The following BUB1B variants were observed in gnomAD, a reference collection of about 807,000 sequenced individuals.
The protein encoded by BUB1B is BUB1 mitotic checkpoint serine/threonine kinase B.
BUB1B carries 86 observed loss-of-function variants against 137.7 expected under a neutral mutation model. The ratio of observed to expected loss-of-function variants is 0.62; its 90% CI spans 0.52 to 0.75. The LOEUF (loss-of-function observed/expected upper bound fraction) is 0.75, where lower values mean the gene tolerates loss of function less well. Ranked by LOEUF, BUB1B falls within the 30% of genes least tolerant of loss-of-function variation. BUB1B has a pLI of 0.00. For synonymous variants in BUB1B, 420 were observed against 417.9 expected, an observed-to-expected ratio of 1.00 and a Z score of -0.06; for missense variants, 1,130 against 1,236.9, an observed-to-expected ratio of 0.91 and a Z score of 1.30.
At chr15:40,199,539 A>G (rs2037538144) in intron 9 of BUB1B, 76 bp from the exon 10 acceptor site, 27 of 1,064,074 alleles carry the variant, frequency 2.5e-5, no homozygotes, top group Non-Finnish European at 3.6e-5. Context: ...TGTTGAGGAG[A>G]TGAGCTCCAA....
At chr15:40,173,932 TA>T (rs1490906539) in intron 4 of BUB1B, 4 of 431,656 alleles carry the variant, frequency 9.3e-6, no homozygotes, top group African/African-American at 8.3e-5. Flanking sequence ...ACAGTCTAGC[TA>T]AGGAAAAAAT....
rs193266593 is a variant in BUB1B at position 40,196,818 on chromosome 15, G to T, written c.1288+44G>T. ...TGTGAAGAGGACTTAACTTAGTTGT[G>T]TGAAGGTTGAGCTGACCTATTAAGT... On this transcript the variant is annotated intron_variant, in intron 9 of 22. Coordinates refer to ENST00000287598, the MANE Select transcript of BUB1B (RefSeq NM_001211.6). 1.1e-5 allele frequency: 17 copies of T among 1,572,808 alleles called. No individual in the cohort carries two copies. In the Admixed American group the frequency reaches 2.2e-4, roughly 20 times the overall value.
Position 40,176,591 on chromosome 15 carries a change from A to C in BUB1B, c.499A>C (p.Asn167His). ...GGCAGAAGAATATGAAGCTAGAGAA[A>C]ACTTTAGGAAAGCAGATGCGATATT... The part of the protein sequence containing the change: ...SWAEEYEARE[N>H]FRKADAIFQE... Residue 167 changes from asparagine (N) to histidine (H), a missense_variant, in exon 5 of 23, where the codon AAC becomes CAC. Transcript: ENST00000287598. The C allele has an allele frequency of 6.2e-7, 1 of 1,614,156 alleles. No individual in the cohort carries two copies. Among genetic ancestry groups the C allele is most frequent in the Non-Finnish European group, 8.5e-7 (1 of 1,180,014 alleles).
At chr15:40,217,769 G>GAATA (rs891952933) in intron 21 of BUB1B, 102 bp downstream of exon 21, 8 of 1,358,152 alleles carry the variant, frequency 5.9e-6, no homozygotes, top group Admixed American at 1.7e-5. Context: ...CCGACTCCTA[G>GAATA]AATAGATGAC....
chr15:40,191,745 T>C (rs77045872), intron 8 of BUB1B, among the ~76,000 whole-genome samples: 3,285 of 152,348 alleles, frequency 0.022, 100 homozygotes, highest in African/African-American at 0.064. Context: ...TGCTATTGAA[T>C]GGTCTTGGCA....
intron 22 of BUB1B, among the ~76,000 whole-genome samples, chr15:40,219,153 G>T (rs1450329716): frequency 6.6e-6 from 1 of 151,952 alleles, no homozygotes; most frequent in Non-Finnish European, 1.5e-5. Context: ...CTTGTGATCC[G>T]CCCGCCTCGG....
chr15:40,195,778 CT>C (rs1358933690), intron 8 of BUB1B, among the ~76,000 whole-genome samples: 1 of 152,092 alleles, frequency 6.6e-6, no homozygotes, highest in Non-Finnish European at 1.5e-5. Flanking sequence ...ATTTGTTTAT[CT>C]TTTGAAAATT....
At chr15:40,220,449 T>A (rs2037883337) in intron 22 of BUB1B, 115 bp from the exon 23 acceptor site, 2 of 1,034,202 alleles carry the variant, frequency 1.9e-6, no homozygotes, top group African/African-American at 1.6e-5. Context: ...AACCCTAGAG[T>A]TCTAGGTATT....
intron 17 of BUB1B, 47 bp downstream of exon 17, chr15:40,209,822 A>G: frequency 1.2e-6 from 2 of 1,606,014 alleles, no homozygotes; most frequent in Non-Finnish European, 1.7e-6. Context: ...CAGTATACAA[A>G]TAAGTGATTA....
At position 40,217,548 on chromosome 15, in the gene BUB1B, G is replaced by C; in HGVS notation, c.2731G>C (p.Asp911His). 6.2e-7 allele frequency: 1 copy of C among 1,614,074 alleles called. No homozygotes were observed. Among genetic ancestry groups the C allele is most frequent in the Non-Finnish European group, 8.5e-7 (1 of 1,180,024 alleles). The change falls in exon 21 of 23, where the codon GAC (aspartate) becomes CAC (histidine). Residue 911 changes from aspartate to histidine, a missense_variant. Coordinates refer to ENST00000287598, the MANE Select transcript of BUB1B (RefSeq NM_001211.6). ...NKNNQALKIV[D>H]FSYSVDLRVQ... ...GAACAATCAAGCTTTGAAGATAGTG[G>C]ACTTTTCCTACAGTGTTGACCTTAG...
rs1317611777 is a variant in BUB1B, at chr15:40,176,658, T to C, written c.566T>C (p.Leu189Pro). 2 of 1,614,136 alleles carry C rather than the reference T, an allele frequency of 1.2e-6. No homozygotes were observed. Residue 189 changes from leucine (L) to proline (P), a missense_variant, in exon 5 of 23, where the codon CTA becomes CCA. Leu to Pro is a moderately conservative substitution (Grantham distance 98, BLOSUM62 -3). Transcript: ENST00000287598. ...CAGAAGGCTGAACCACTAGAAAGAC[T>C]ACAGTCCCAGCACCGGTAAACTTTC... is the stretch of plus-strand genomic sequence containing the variant. ...IQQKAEPLER[L>P]QSQHRQFQAR...
chr15:40,180,029 C>CTT (rs1201351274), intron 5 of BUB1B, among the ~76,000 whole-genome samples: 1 of 149,394 alleles, frequency 6.7e-6, no homozygotes, highest in Non-Finnish European at 1.5e-5. Flanking sequence ...TGTGTTTACC[C>CTT]TTTTTTTTGT....
At chr15:40,193,579 G>C (rs1258909492) in intron 8 of BUB1B, among the ~76,000 whole-genome samples, 2 of 149,328 alleles carry the variant, frequency 1.3e-5, no homozygotes, top group East Asian at 4.0e-4. Context: ...GGGACTATAG[G>C]TGCATGACAC....
At position 40,220,602 on chromosome 15, in the gene BUB1B, G is replaced by A. The variant is rs377612791; in HGVS notation, c.2996G>A (p.Arg999Gln). The change falls in exon 23 of 23, where the codon CGG (arginine) becomes CAG (glutamine). Residue 999 changes from arginine to glutamine, a missense_variant. Physicochemically the swap from Arg to Gln is conservative, Grantham distance 43. Transcript: ENST00000287598. ...DGELWNKFFV[R>Q]ILNANDEATV... The stretch of plus-strand genomic sequence containing the variant: ...GAATTGTGGAATAAATTCTTTGTGC[G>A]GATTCTGAATGCCAATGATGAGGCC... The A allele has an allele frequency of 8.7e-5, 141 of 1,614,016 alleles. No homozygotes were observed. Among genetic ancestry groups the A allele is most frequent in the Non-Finnish European group, 1.1e-4 (125 of 1,180,026 alleles).
intron 8 of BUB1B, among the ~76,000 whole-genome samples, chr15:40,186,326 T>A (rs994914662): frequency 6.6e-6 from 1 of 152,286 alleles, no homozygotes; most frequent in South Asian, 2.1e-4. Context: ...TTCCTCTTTC[T>A]TCCTAATCCT....
intron 20 of BUB1B, among the ~76,000 whole-genome samples, chr15:40,216,954 G>A (rs2037801756): frequency 6.6e-6 from 1 of 152,056 alleles, no homozygotes; most frequent in African/African-American, 2.4e-5. Context: ...ACAAGTAAGA[G>A]TAAGATAAAA....
Position 40,221,026 on chromosome 15 carries a change from G to C in BUB1B, c.*267G>C, listed in dbSNP as rs143807849. ...GGTTACCTTGTTATTTAACCCATTT[G>C]TCTCTACTTTTCCCTGTACTTTTCC... is the stretch of plus-strand genomic sequence containing the variant. On this transcript the variant is annotated 3_prime_UTR_variant, in exon 23 of 23. Coordinates refer to ENST00000287598, the MANE Select transcript of BUB1B (RefSeq NM_001211.6). 248 of 486,880 alleles carry C rather than the reference G, an allele frequency of 5.1e-4. No homozygotes were observed. Among genetic ancestry groups the C allele is most frequent in the Non-Finnish European group, 8.1e-4 (220 of 269,982 alleles). 30.2% of individuals were successfully genotyped at this position (486,880 alleles called of 1,614,324 possible). A position where few individuals can be genotyped will look rare whatever the true frequency, so the allele number is the denominator to read the frequency against.
chr15:40,201,808 A>G (rs1373239700), intron 12 of BUB1B, among the ~76,000 whole-genome samples: 1 of 151,966 alleles, frequency 6.6e-6, no homozygotes, highest in Non-Finnish European at 1.5e-5. Context: ...CTGGGACTAC[A>G]GGCGCCCACC....
chr15:40,174,351 A>G (rs950876967), intron 4 of BUB1B, among the ~76,000 whole-genome samples: 1 of 152,364 alleles, frequency 6.6e-6, no homozygotes. Context: ...GCAAAATTAA[A>G]CTATAAAATA....
Sources: gnomAD v4.1 joint callset for allele counts (sites outside exome capture counted in the v4.1 genomes callset) on GRCh38, gnomAD v4.1.1 for gene constraint, MANE v1.5 for transcripts, NCBI Gene and HGNC (gene_info 2026-07-23, HGNC 2026-07-21) for gene names.